The following RFC3 variants were observed in gnomAD, a reference collection of about 807,000 sequenced individuals.
RFC3 encodes the protein replication factor C subunit 3, also known as A1 38 kDa subunit.
RFC3 carries 41 observed loss-of-function variants against 45.1 expected under a neutral mutation model. The observed-to-expected ratio is 0.91, with a 90% CI of 0.71 to 1.18. The LOEUF is 1.18. RFC3 is among the 50% of genes most tolerant of loss of function. The pLI is 0.00. For synonymous variants in RFC3, 149 were observed against 144.0 expected (o/e 1.03, Z -0.25); for missense variants, 423 against 428.1 (o/e 0.99, Z 0.10).
chr13:33,890,504 A>G (rs1267523767), intron 8 of RFC3, among the ~76,000 whole-genome samples: 3 of 152,194 alleles, frequency 2.0e-5, no homozygotes, highest in African/African-American at 7.2e-5. Context: ...GTGTGATGAA[A>G]TGAGCAATCG....
intron 8 of RFC3, among the ~76,000 whole-genome samples, chr13:33,872,705 G>A (rs2082418609): frequency 2.0e-5 from 3 of 151,802 alleles, no homozygotes; most frequent in Middle Eastern, 6.8e-3. Context: ...TGTACTCCAG[G>A]CTGGGCAACA....
intron 8 of RFC3, among the ~76,000 whole-genome samples, chr13:33,925,327 C>CATATAGTGTACTATATACATACAT (rs1390750945): frequency 6.3e-5 from 8 of 127,442 alleles, no homozygotes; most frequent in Non-Finnish European, 9.4e-5. Flanking sequence ...TATACATACA[C>CATATAGTGTACTATATACATACAT]ATATAGTGTA....
chr13:33,936,508 A>G (rs564914620), intron 8 of RFC3, among the ~76,000 whole-genome samples: 1 of 152,266 alleles, frequency 6.6e-6, no homozygotes, highest in South Asian at 2.1e-4. Context: ...GGCTATTAGG[A>G]TAGGACCTAA....
rs142905743 is a variant in RFC3, at chr13:33,862,255, GT to G, written c.879+27055del. Among the ~76,000 whole-genome samples the G allele has an allele frequency of 5.7e-3, 765 of 134,882 alleles. 5 individuals carry two copies. The highest frequency in any genetic ancestry group is 0.019 in the African/African-American group (707 of 36,520). 88.5% of individuals were successfully genotyped at this position (134,882 alleles called of 152,430 possible). A position where few individuals can be genotyped will look rare whatever the true frequency, so the allele number is the denominator to read the frequency against. On this transcript the variant is annotated intron_variant, in intron 8 of 8. Transcript: ENST00000434425. ...GGTAATTAAATCCAATCTCAGCAAA[GT>G]TTTTTTTTTTTTTTTTGTCTGACAC...
At chr13:33,929,818 C>G (rs1172169097) in intron 8 of RFC3, among the ~76,000 whole-genome samples, 2 of 151,910 alleles carry the variant, frequency 1.3e-5, no homozygotes, top group East Asian at 3.9e-4. Context: ...CCAATTTATG[C>G]TATTAGAAAT....
chr13:33,837,648 A>T (rs913167326), downstream of RFC3, among the ~76,000 whole-genome samples: 1 of 152,126 alleles, frequency 6.6e-6, no homozygotes, highest in Non-Finnish European at 1.5e-5. Flanking sequence ...TCTACCAGCA[A>T]TATAAGAGAA....
At chr13:33,894,622 C>T (rs1260135692) in intron 8 of RFC3, among the ~76,000 whole-genome samples, 1 of 152,092 alleles carries the variant, frequency 6.6e-6, no homozygotes, top group African/African-American at 2.4e-5. Flanking sequence ...GCTGTCACCA[C>T]TAGGAAGGCT....
At chr13:33,961,188 G>A (rs2083055104) in intron 8 of RFC3, among the ~76,000 whole-genome samples, 1 of 152,070 alleles carries the variant, frequency 6.6e-6, no homozygotes, top group African/African-American at 2.4e-5. Context: ...TACACACATG[G>A]TCTCAAAGAC....
At chr13:33,866,597 G>A (rs2082375191) in intron 8 of RFC3, among the ~76,000 whole-genome samples, 1 of 152,188 alleles carries the variant, frequency 6.6e-6, no homozygotes, top group African/African-American at 2.4e-5. Context: ...AAAAGCTGGA[G>A]CCCCTTGAGT....
intron 8 of RFC3, among the ~76,000 whole-genome samples, chr13:33,937,993 G>T (rs1040989381): frequency 2.6e-5 from 4 of 152,058 alleles, no homozygotes; most frequent in African/African-American, 9.7e-5. Flanking sequence ...TTATCCAGAA[G>T]ATCAATCAGG....
intron 8 of RFC3, among the ~76,000 whole-genome samples, chr13:33,950,339 A>C (rs79873008): frequency 0.023 from 3,559 of 152,264 alleles, 124 homozygotes; most frequent in African/African-American, 0.078. Flanking sequence ...CTGGCTAAGG[A>C]ACTAGCAGTT....
At chr13:33,881,192 A>G (rs749875204) in intron 8 of RFC3, among the ~76,000 whole-genome samples, 21 of 152,344 alleles carry the variant, frequency 1.4e-4, no homozygotes, top group Admixed American at 2.0e-4. Flanking sequence ...ATGAAAAATG[A>G]TATTAACATA....
At chr13:33,852,910 T>G (rs1466047659) in intron 8 of RFC3, among the ~76,000 whole-genome samples, 1 of 152,144 alleles carries the variant, frequency 6.6e-6, no homozygotes, top group Non-Finnish European at 1.5e-5. Context: ...TGCTTTGGCT[T>G]AATGCACAGA....
At position 33,818,152 on chromosome 13, in the gene RFC3, C is replaced by T. The variant is rs776741309; in HGVS notation, c.-27C>T. On this transcript the variant is annotated 5_prime_UTR_variant, in exon 1 of 9. Coordinates refer to ENST00000380071, the MANE Select transcript of RFC3 (RefSeq NM_002915.4). ...CGCGCGCTCGCGCGGGATTTTCAAG[C>T]GTAGGCCCCCGGGAACTCGAGCTGC... The T allele has an allele frequency of 6.3e-6, 10 of 1,597,340 alleles. No homozygotes were observed. Among genetic ancestry groups the T allele is most frequent in the South Asian group, 4.4e-5 (4 of 90,276 alleles).
chr13:33,934,021 TGAAA>T (rs1427677929), intron 8 of RFC3, among the ~76,000 whole-genome samples: 1 of 149,758 alleles, frequency 6.7e-6, no homozygotes, highest in Non-Finnish European at 1.5e-5. Flanking sequence ...AAAAGGGAAA[TGAAA>T]GAAAGGAAAG....
chr13:33,925,925 T>C (rs2082809090), intron 8 of RFC3, among the ~76,000 whole-genome samples: 2 of 152,002 alleles, frequency 1.3e-5, no homozygotes, highest in South Asian at 4.1e-4. Flanking sequence ...AAAGGTTTTA[T>C]TTGGGAATAC....
intron 2 of RFC3, among the ~76,000 whole-genome samples, chr13:33,822,630 G>A (rs947727791): frequency 2.9e-4 from 44 of 152,178 alleles, no homozygotes; most frequent in African/African-American, 1.0e-3. Context: ...AAGAGGATAA[G>A]CCAGCAGTGT....
chr13:33,872,314 A>G (rs1366329670), intron 8 of RFC3, among the ~76,000 whole-genome samples: 1 of 152,254 alleles, frequency 6.6e-6, no homozygotes, highest in Non-Finnish European at 1.5e-5. Context: ...ATTCACATAC[A>G]GTGTAAACTC....
At chr13:33,903,196 T>TC (rs981407868) in intron 8 of RFC3, among the ~76,000 whole-genome samples, 47 of 152,232 alleles carry the variant, frequency 3.1e-4, no homozygotes, top group African/African-American at 1.1e-3. Context: ...AAGTTCTCTG[T>TC]CACTTTCTCA....
Sources: gnomAD v4.1 joint callset for allele counts (sites outside exome capture counted in the v4.1 genomes callset) on GRCh38, gnomAD v4.1.1 for gene constraint, MANE v1.5 for transcripts, NCBI Gene and HGNC (gene_info 2026-07-23, HGNC 2026-07-21) for gene names.